ARG2: variants seen among roughly 807,000 people sequenced by gnomAD.
ARG2 encodes arginase 2.
ARG2 carries 21 observed loss-of-function variants against 39.4 expected under a neutral mutation model. The ratio of observed to expected loss-of-function variants is 0.53; its 90% CI spans 0.38 to 0.77. ARG2 has a LOEUF of 0.77. ARG2 is among the 30% of genes least tolerant of loss of function. The probability of loss-of-function intolerance (pLI) is 0.00; values close to 1 mark genes in which losing one functional copy is unlikely to be tolerated. For missense variants in ARG2, 378 were observed against 426.2 expected (o/e 0.89, Z 1.00); for synonymous variants, 150 against 156.7 (o/e 0.96, Z 0.32).
chr14:67,624,136 C>T (rs927130154), intron 2 of ARG2, among the ~76,000 whole-genome samples: 3 of 152,164 alleles, frequency 2.0e-5, no homozygotes, highest in Non-Finnish European at 4.4e-5. Context: ...AGTATATCTG[C>T]ACTCGATTTT....
chr14:67,650,421 GCCTTTT>G (rs1350253873), intron 7 of ARG2: 2 of 387,008 alleles, frequency 5.2e-6, no homozygotes, highest in African/African-American at 2.0e-5. Context: ...CCAACACCAA[GCCTTTT>G]CCTTTTCCAG....
At chr14:67,629,824 C>G (rs1459957865) in intron 2 of ARG2, among the ~76,000 whole-genome samples, 1 of 152,214 alleles carries the variant, frequency 6.6e-6, no homozygotes, top group Admixed American at 6.5e-5. Context: ...GTGAAGACTA[C>G]ACAGAAAACC....
chr14:67,622,242 C>T (rs975805477), intron 2 of ARG2, among the ~76,000 whole-genome samples: 8 of 152,188 alleles, frequency 5.3e-5, no homozygotes, highest in East Asian at 3.8e-4. Flanking sequence ...TGAGGCAGCA[C>T]GGAGATTATG....
chr14:67,636,954 A>G (rs1173436446), intron 2 of ARG2, among the ~76,000 whole-genome samples: 1 of 152,162 alleles, frequency 6.6e-6, no homozygotes, highest in Non-Finnish European at 1.5e-5. Context: ...ATGCACAGTT[A>G]GAGAAAGGGA....
chr14:67,628,473 G>T (rs1333475043), intron 2 of ARG2, among the ~76,000 whole-genome samples: 2 of 152,192 alleles, frequency 1.3e-5, no homozygotes, highest in Non-Finnish European at 1.5e-5. Flanking sequence ...TGCATAGAGG[G>T]AAATCTATAA....
At position 67,646,723 on chromosome 14, in the gene ARG2, T is replaced by C; in HGVS notation, c.602T>C (p.Val201Ala). ...ASIVYIGLRD[V>A]DPPEHFILKN... ...ATTGTGTATATTGGTCTGAGAGACG[T>C]GGACCCTCCTGAACAGTAAGTTGAT... is the stretch of plus-strand genomic sequence containing the variant. The change falls in exon 5 of 8, where the codon GTG becomes GCG. Residue 201 changes from valine to alanine, a missense_variant. Transcript: ENST00000261783. 1 of 1,612,428 alleles carries C rather than the reference T, an allele frequency of 6.2e-7. No individual in the cohort carries two copies. Among genetic ancestry groups the C allele is most frequent in the African/African-American group, 1.3e-5 (1 of 74,988 alleles).
rs905210029 is a variant in ARG2, at chr14:67,621,982, A to G, written c.184+1016A>G. Among the ~76,000 whole-genome samples the G allele has an allele frequency of 3.3e-5, 5 of 152,100 alleles. No homozygotes were observed. In the South Asian group the frequency reaches 1.0e-3, roughly 32 times the overall value. Reference sequence around the variant, plus strand: ...CATAGTGGCATGCACCTGTAGTCCCAGCTACTCAGGAGCCTGAGACAGAAG... The same window carrying G: ...CATAGTGGCATGCACCTGTAGTCCCGGCTACTCAGGAGCCTGAGACAGAAG... On this transcript the variant is annotated intron_variant, in intron 2 of 7. Transcript: ENST00000261783.
Position 67,651,464 on chromosome 14 carries a change from A to G in ARG2, c.*544A>G. On this transcript the variant is annotated 3_prime_UTR_variant, in exon 8 of 8. Coordinates refer to ENST00000261783, the MANE Select transcript of ARG2 (RefSeq NM_001172.4). ...CAGTAAGATGATAATGGAAAGCAGC[A>G]GCTTGTTGGTTGTCACTCTACAAAG... 6.2e-7 allele frequency: 1 copy of G among 1,613,908 alleles called. No homozygotes were observed. Among genetic ancestry groups the G allele is most frequent in the Non-Finnish European group, 8.5e-7 (1 of 1,179,804 alleles).
At chr14:67,626,026 G>A (rs2036862835) in intron 2 of ARG2, among the ~76,000 whole-genome samples, 1 of 152,102 alleles carries the variant, frequency 6.6e-6, no homozygotes, top group Non-Finnish European at 1.5e-5. Context: ...GGCTGAGGCG[G>A]GCAGATCATT....
At chr14:67,632,430 C>A (rs1459125426) in intron 2 of ARG2, among the ~76,000 whole-genome samples, 1 of 152,172 alleles carries the variant, frequency 6.6e-6, no homozygotes, top group Non-Finnish European at 1.5e-5. Flanking sequence ...ATGGACTGGA[C>A]AGCACCTTTG....
intron 2 of ARG2, among the ~76,000 whole-genome samples, chr14:67,624,176 G>T (rs916921158): frequency 6.6e-6 from 1 of 152,148 alleles, no homozygotes. Context: ...GGTAATTTGT[G>T]AATTCTAGCC....
At chr14:67,622,200 C>T (rs1355389931) in intron 2 of ARG2, among the ~76,000 whole-genome samples, 1 of 152,214 alleles carries the variant, frequency 6.6e-6, no homozygotes, top group Non-Finnish European at 1.5e-5. Context: ...GGATCATTCA[C>T]ATATCTTTTC....
At position 67,651,629 on chromosome 14, in the gene ARG2, T is replaced by C. The variant is rs569848836; in HGVS notation, c.*709T>C. On this transcript the variant is annotated 3_prime_UTR_variant, in exon 8 of 8. Coordinates refer to ENST00000261783, the MANE Select transcript of ARG2 (RefSeq NM_001172.4). ...ACTTAGCAGGAAGTACTCATAAGGTTCTTTAGCTGTCACTTAGGGATAACA... is the reference window on the plus strand; with the variant it reads ...ACTTAGCAGGAAGTACTCATAAGGTCCTTTAGCTGTCACTTAGGGATAACA... 2.6e-6 allele frequency: 2 copies of C among 777,002 alleles called. No homozygotes were observed. Among genetic ancestry groups the C allele is most frequent in the South Asian group, 3.9e-5 (2 of 51,624 alleles). 48.1% of individuals were successfully genotyped at this position (777,002 alleles called of 1,614,324 possible).
Position 67,651,039 on chromosome 14 carries a change from C to T in ARG2, c.*119C>T. On this transcript the variant is annotated 3_prime_UTR_variant, in exon 8 of 8. Coordinates refer to ENST00000261783, the MANE Select transcript of ARG2 (RefSeq NM_001172.4). Reference sequence around the variant, plus strand: ...TACTGCCTTAATGAGAACATTTACACATTCTCACAATTGTAAAGTTTCCCC... The same window carrying T: ...TACTGCCTTAATGAGAACATTTACATATTCTCACAATTGTAAAGTTTCCCC... The T allele has an allele frequency of 2.7e-6, 3 of 1,119,684 alleles. No individual in the cohort carries two copies. Among genetic ancestry groups the T allele is most frequent in the Non-Finnish European group, 3.8e-6 (3 of 780,254 alleles). 69.4% of individuals were successfully genotyped at this position (1,119,684 alleles called of 1,614,324 possible).
In ARG2 at chr14:67,648,049, G is replaced by A; in HGVS notation, c.725G>A (p.Arg242Lys). The change falls in exon 7 of 8, where the codon AGA becomes AAA. Residue 242 changes from arginine to lysine, a missense_variant and splice_region_variant. Arg to Lys is a conservative substitution (Grantham distance 26, BLOSUM62 2). Transcript: ENST00000261783. ...ERTFDLLIGK[R>K]QRPIHLSFDI... Reference sequence around the variant, plus strand: ...TATTTTATCCTCTTCCTTTTTAGGAGACAAAGACCAATCCATTTGAGTTTT... The same window carrying A: ...TATTTTATCCTCTTCCTTTTTAGGAAACAAAGACCAATCCATTTGAGTTTT... The A allele has an allele frequency of 1.2e-6, 2 of 1,609,520 alleles. No individual in the cohort carries two copies. The highest frequency in any genetic ancestry group is 1.7e-6 in the Non-Finnish European group (2 of 1,177,504).
chr14:67,637,609 CT>C (rs1473978883), intron 2 of ARG2, among the ~76,000 whole-genome samples: 1 of 152,020 alleles, frequency 6.6e-6, no homozygotes, highest in Non-Finnish European at 1.5e-5. Context: ...TCTACCAGTC[CT>C]TTGGGTATTG....
At chr14:67,644,620 ATTC>A (rs1269551437) in intron 3 of ARG2, among the ~76,000 whole-genome samples, 1 of 152,196 alleles carries the variant, frequency 6.6e-6, no homozygotes, top group Non-Finnish European at 1.5e-5. Context: ...CATCAGGTGT[ATTC>A]TTAGAATTGA....
At chr14:67,646,889 C>A in intron 5 of ARG2, 32 bp from the exon 6 acceptor site, 1 of 1,486,068 alleles carries the variant, frequency 6.7e-7, no homozygotes, top group Non-Finnish European at 9.4e-7. Context: ...GCTCTTTAAA[C>A]TAAGGACTCC....
Position 67,621,674 on chromosome 14 carries a change from A to G in ARG2, c.184+708A>G, listed in dbSNP as rs193164934. ...TGGTCAGGCTGGTCTTGAACTCCTG[A>G]CCTCAGGTGATCCGCCCACCTCAGC... On this transcript the variant is annotated intron_variant, in intron 2 of 7. Coordinates refer to ENST00000261783, the MANE Select transcript of ARG2 (RefSeq NM_001172.4). 5.2e-3 allele frequency among the ~76,000 whole-genome samples: 788 copies of G among 151,526 alleles called. 7 individuals are homozygous for G. The highest frequency in any genetic ancestry group is 0.019 in the African/African-American group (767 of 41,348).
Sources: gnomAD v4.1 joint callset for allele counts (sites outside exome capture counted in the v4.1 genomes callset) on GRCh38, gnomAD v4.1.1 for gene constraint, MANE v1.5 for transcripts, NCBI Gene and HGNC (gene_info 2026-07-23, HGNC 2026-07-21) for gene names.